ARHGEF11: variants seen among roughly 807,000 people sequenced by gnomAD.
ARHGEF11 encodes the protein Rho guanine nucleotide exchange factor 11, also known as Rho guanine exchange factor (GEF) 11.
A neutral mutation model predicts 193.7 loss-of-function variants in ARHGEF11; 55 were observed. The ratio of observed to expected loss-of-function variants is 0.28; its 90% CI spans 0.23 to 0.36. ARHGEF11 has a LOEUF of 0.36. ARHGEF11 is among the 10% of genes least tolerant of loss of function. The pLI is 1.00. For missense variants in ARHGEF11, 1,723 were observed against 2,005.6 expected, an observed-to-expected ratio of 0.86 and a Z score of 2.69; for synonymous variants, 693 against 768.0, an observed-to-expected ratio of 0.90 and a Z score of 1.62.
At chr1:157,043,108 G>A (rs1002381746) in intron 1 of ARHGEF11, among the ~76,000 whole-genome samples, 49 of 152,348 alleles carry the variant, frequency 3.2e-4, no homozygotes, top group African/African-American at 1.2e-3. Context: ...GCTTGAGAGA[G>A]AGAGATTATA....
At chr1:156,975,701 C>T (rs77480454) in intron 7 of ARHGEF11, among the ~76,000 whole-genome samples, 5,149 of 152,234 alleles carry the variant, frequency 0.034, 287 homozygotes, top group African/African-American at 0.12. Context: ...AGTTTTGGCT[C>T]TTACATTTAA....
At chr1:157,023,380 A>G (rs1670230338) in intron 1 of ARHGEF11, among the ~76,000 whole-genome samples, 1 of 152,240 alleles carries the variant, frequency 6.6e-6, no homozygotes, top group Admixed American at 6.5e-5. Flanking sequence ...CAATAAGCAC[A>G]TAAAAAGATG....
chr1:156,980,436 C>T lies in ARHGEF11; in HGVS notation c.273+1G>A. On this transcript the variant is annotated splice_donor_variant, in intron 4 of 40. Transcript: ENST00000368194. LOFTEE classifies it high-confidence loss of function. ...TGGGAGTGTGTGTTGGGGTCACTCACTTTGATGATCCGGTCGCCCTCTTTC... is the reference window on the plus strand; with the variant it reads ...TGGGAGTGTGTGTTGGGGTCACTCATTTTGATGATCCGGTCGCCCTCTTTC... 1 of 1,604,796 alleles carries T rather than the reference C, an allele frequency of 6.2e-7. No individual in the cohort carries two copies. Among genetic ancestry groups the T allele is most frequent in the Non-Finnish European group, 8.5e-7 (1 of 1,175,368 alleles).
chr1:156,983,053 T>A (rs1664413028), intron 3 of ARHGEF11, among the ~76,000 whole-genome samples: 2 of 152,182 alleles, frequency 1.3e-5, no homozygotes, highest in African/African-American at 4.8e-5. Context: ...CTCTGCACTA[T>A]CAGGAAACCT....
chr1:156,945,223 T>C (rs146223896), intron 29 of ARHGEF11, 26 bp from the exon 30 acceptor site: 31 of 1,604,796 alleles, frequency 1.9e-5, no homozygotes, highest in South Asian at 4.4e-5. Context: ...GAAGAGATGG[T>C]TGGGGCTCCT....
chr1:156,958,788 C>G lies in ARHGEF11; in HGVS notation c.1456G>C (p.Glu486Gln), dbSNP rs1481666411. Residue 486 changes from glutamate to glutamine, a missense_variant, in exon 17 of 41, where the codon GAG (glutamate) becomes CAG (glutamine). Transcript: ENST00000368194. ...LLDLDGDPLR[E>Q]RQVAEKQLAA... ...AGCTGCTTCTCAGCCACTTGGCGCT[C>G]TCGGAGAGGGTCCCCATCCAGGTCC... The G allele has an allele frequency of 1.2e-6, 2 of 1,614,166 alleles. No homozygotes were observed. The highest frequency in any genetic ancestry group is 1.7e-4 in the Middle Eastern group (1 of 6,060).
intron 1 of ARHGEF11, among the ~76,000 whole-genome samples, chr1:157,037,633 T>C (rs1672206286): frequency 6.6e-6 from 1 of 152,206 alleles, no homozygotes; most frequent in African/African-American, 2.4e-5. Flanking sequence ...AGCACCAACC[T>C]TGCACTCTTC....
intron 20 of ARHGEF11, 121 bp downstream of exon 20, chr1:156,955,582 C>G (rs1571229820): frequency 1.3e-6 from 1 of 766,738 alleles, no homozygotes. Context: ...TGGCTGTGGT[C>G]TGAGTTTGGG....
At chr1:156,976,896 A>G in intron 7 of ARHGEF11, 87 bp downstream of exon 7, 1 of 1,237,186 alleles carries the variant, frequency 8.1e-7, no homozygotes, top group South Asian at 1.2e-5. Context: ...ATTGCCTGTA[A>G]ATTAAGTTGT....
chr1:156,975,818 A>G (rs1483122452), intron 7 of ARHGEF11, among the ~76,000 whole-genome samples: 1 of 152,230 alleles, frequency 6.6e-6, no homozygotes, highest in Non-Finnish European at 1.5e-5. Context: ...TGTTGAAAAT[A>G]CTATTCTTTC....
chr1:156,980,388 A>G, intron 4 of ARHGEF11, 49 bp downstream of exon 4: 1 of 1,580,238 alleles, frequency 6.3e-7, no homozygotes, highest in South Asian at 1.2e-5. Context: ...AGTGCCCTGC[A>G]CATCTATTTC....
At chr1:157,015,799 C>T (rs751886781) in intron 1 of ARHGEF11, among the ~76,000 whole-genome samples, 1 of 152,180 alleles carries the variant, frequency 6.6e-6, no homozygotes, top group African/African-American at 2.4e-5. Flanking sequence ...CCTGGCCCAA[C>T]GAGCATGTCT....
At chr1:156,979,338 C>T (rs1171006876) in intron 4 of ARHGEF11, 52 bp from the exon 5 acceptor site, 16 of 1,323,892 alleles carry the variant, frequency 1.2e-5, no homozygotes, top group Non-Finnish European at 1.7e-5. Flanking sequence ...GCTAGGGGAT[C>T]CTTCTGTAAG....
At chr1:156,969,379 A>T in intron 9 of ARHGEF11, 21 bp from the exon 10 acceptor site, 1 of 1,588,170 alleles carries the variant, frequency 6.3e-7, no homozygotes, top group Non-Finnish European at 8.6e-7. Flanking sequence ...AATAGTTTCT[A>T]TAACACAGAA....
At chr1:157,013,422 G>C (rs752982215) in intron 1 of ARHGEF11, among the ~76,000 whole-genome samples, 3 of 151,832 alleles carry the variant, frequency 2.0e-5, no homozygotes, top group Non-Finnish European at 2.9e-5. Flanking sequence ...AAAAACTCCT[G>C]CTTATTCCTC....
chr1:156,959,785 T>C (rs1191284167), intron 15 of ARHGEF11, among the ~76,000 whole-genome samples: 1 of 152,136 alleles, frequency 6.6e-6, no homozygotes, highest in Non-Finnish European at 1.5e-5. Context: ...CAGGCTGACA[T>C]CACCTTAGAC....
At chr1:157,028,863 T>G (rs1184145052) in intron 1 of ARHGEF11, among the ~76,000 whole-genome samples, 1 of 151,706 alleles carries the variant, frequency 6.6e-6, no homozygotes, top group African/African-American at 2.4e-5. Context: ...AAAGAAAGTG[T>G]TGGTAAAGAT....
At position 156,961,762 on chromosome 1, in the gene ARHGEF11, C is replaced by T. The variant is rs760703491; in HGVS notation, c.1154G>A (p.Cys385Tyr). 2 of 1,614,158 alleles carry T rather than the reference C, an allele frequency of 1.2e-6. No homozygotes were observed. Among genetic ancestry groups the T allele is most frequent in the South Asian group, 2.2e-5 (2 of 91,084 alleles). ...GCTTGCCTGCTGATAAACTTCTGCA[C>T]ACAGGTAAAAAAGCTAGGAGGAGAG... is the stretch of plus-strand genomic sequence containing the variant. The part of the protein sequence containing the change: ...ADPSPLLFYL[C>Y]AEVYQQASPK... The change falls in exon 14 of 41, where the codon TGT (cysteine) becomes TAT (tyrosine). Residue 385 changes from cysteine to tyrosine, a missense_variant. By Grantham distance (194) the Cys-to-Tyr change is radical. Transcript: ENST00000368194.
intron 8 of ARHGEF11, among the ~76,000 whole-genome samples, chr1:156,970,583 A>C (rs1662360425): frequency 6.6e-6 from 1 of 152,208 alleles, no homozygotes; most frequent in Non-Finnish European, 1.5e-5. Flanking sequence ...AGGAAACAGA[A>C]GCTCAGAGAT....
Sources: allele counts gnomAD v4.1 joint callset (sites outside exome capture counted in the v4.1 genomes callset), GRCh38; gene constraint gnomAD v4.1.1; transcripts MANE v1.5; gene names NCBI Gene and HGNC (gene_info 2026-07-23, HGNC 2026-07-21).